The following BBS2 variants were observed in gnomAD, a reference collection of about 807,000 sequenced individuals.
The protein encoded by BBS2 is BBSome complex member BBS2.
BBS2 carries 62 observed loss-of-function variants against 83.0 expected under a neutral mutation model. The observed-to-expected ratio is 0.75, with a 90% confidence interval of 0.61 to 0.92. The LOEUF is 0.92. BBS2 is among the 40% of genes least tolerant of loss of function. The pLI is 0.00. For missense variants in BBS2, 784 were observed against 901.0 expected, an observed-to-expected ratio of 0.87 and a Z score of 1.66; for synonymous variants, 303 against 326.1, an observed-to-expected ratio of 0.93 and a Z score of 0.76.
intron 2 of BBS2, among the ~76,000 whole-genome samples, chr16:56,512,646 A>C (rs1201951870): frequency 1.3e-5 from 2 of 152,216 alleles, no homozygotes; most frequent in Non-Finnish European, 2.9e-5. Context: ...AACAACAGGA[A>C]AAGCTAATCT....
At chr16:56,480,376 A>AAAAAAAAAAAAC (rs1555519799), downstream of BBS2, among the ~76,000 whole-genome samples, 8 of 142,396 alleles carry the variant, frequency 5.6e-5, no homozygotes, top group African/African-American at 1.6e-4. Context: ...CAAAAAAAAA[A>AAAAAAAAAAAAC]ACAAAGCTTG....
At chr16:56,492,956 A>G (rs4784673) in intron 15 of BBS2, among the ~76,000 whole-genome samples, 103,613 of 151,322 alleles carry the variant, frequency 0.68, 37,270 homozygotes, top group African/African-American at 0.92. Context: ...ATCTACAGTA[A>G]AAAAAAAACA....
intron 16 of BBS2, among the ~76,000 whole-genome samples, 178 bp downstream of exon 16, chr16:56,485,412 G>T (rs978528041): frequency 6.6e-6 from 1 of 152,110 alleles, no homozygotes; most frequent in African/African-American, 2.4e-5. Context: ...GAAGTCCGGA[G>T]ACAAAAGCCA....
chr16:56,478,186 TCTCA>T (rs1963559727), intron 17 of BBS2: 1 of 151,836 alleles, frequency 6.6e-6, no homozygotes, highest in South Asian at 2.1e-4. Flanking sequence ...TGAGATGGAG[TCTCA>T]CTCTGTGGCC....
chr16:56,517,109 C>G (rs187325497), intron 1 of BBS2, among the ~76,000 whole-genome samples: 1 of 152,092 alleles, frequency 6.6e-6, no homozygotes, highest in Non-Finnish European at 1.5e-5. Flanking sequence ...GACCTCTGCC[C>G]GATCTCCCTG....
chr16:56,504,885 T>A (rs1964381218), intron 7 of BBS2, among the ~76,000 whole-genome samples: 1 of 152,178 alleles, frequency 6.6e-6, no homozygotes, highest in Non-Finnish European at 1.5e-5. Flanking sequence ...GTAGAGCTTG[T>A]GAGAGGTGAT....
At chr16:56,503,659 C>A (rs1964341672) in intron 7 of BBS2, among the ~76,000 whole-genome samples, 1 of 152,226 alleles carries the variant, frequency 6.6e-6, no homozygotes, top group African/African-American at 2.4e-5. Context: ...GTGGCTCACG[C>A]CTGTAATGCC....
chr16:56,488,413 G>A (rs1465491660), intron 15 of BBS2, among the ~76,000 whole-genome samples: 1 of 152,166 alleles, frequency 6.6e-6, no homozygotes, highest in Non-Finnish European at 1.5e-5. Context: ...CCCCTCTGTG[G>A]GTTTGATTAA....
intron 15 of BBS2, among the ~76,000 whole-genome samples, chr16:56,493,794 T>G (rs1196254693): frequency 6.6e-6 from 1 of 152,196 alleles, no homozygotes; most frequent in Non-Finnish European, 1.5e-5. Flanking sequence ...TGACGGAAAC[T>G]CCCTGCTGGG....
chr16:56,517,069 G>A (rs1964771005), intron 1 of BBS2, among the ~76,000 whole-genome samples: 1 of 151,762 alleles, frequency 6.6e-6, no homozygotes, highest in Non-Finnish European at 1.5e-5. Context: ...TTCCACTCCA[G>A]GTCACACTCT....
In BBS2 at chr16:56,485,614, T is replaced by C. The variant is rs1963754270; in HGVS notation, c.2035A>G (p.Ile679Val). ...LGNLKAVNQA[I>V]QRAGRLRVGK... ...CCCCGCAGACGACCTGCTCTTTGAATTGCTTGATTTACTGCTTTGAGGTTT... is the reference window on the plus strand; with the variant it reads ...CCCCGCAGACGACCTGCTCTTTGAACTGCTTGATTTACTGCTTTGAGGTTT... The change falls in exon 16 of 17, where the codon ATT becomes GTT. Residue 679 changes from isoleucine (I) to valine (V), a missense_variant. Physicochemically the swap from Ile to Val is conservative, Grantham distance 29. Transcript: ENST00000245157. 1.2e-6 allele frequency: 2 copies of C among 1,614,064 alleles called. No individual in the cohort carries two copies. Among genetic ancestry groups the C allele is most frequent in the Non-Finnish European group, 1.7e-6 (2 of 1,180,016 alleles).
At chr16:56,487,940 T>C (rs1458910298) in intron 15 of BBS2, among the ~76,000 whole-genome samples, 1 of 152,216 alleles carries the variant, frequency 6.6e-6, no homozygotes, top group Non-Finnish European at 1.5e-5. Flanking sequence ...GGGTAGTTAC[T>C]GTTTAACGGG....
downstream of BBS2, among the ~76,000 whole-genome samples, chr16:56,483,734 C>T (rs1469126564): frequency 6.7e-6 from 1 of 150,108 alleles, no homozygotes; most frequent in Non-Finnish European, 1.5e-5. Flanking sequence ...GAGTTTTGCT[C>T]TTGTCACCCA....
At chr16:56,478,657 A>G (rs1191340495) in intron 17 of BBS2, 1 of 152,248 alleles carries the variant, frequency 6.6e-6, no homozygotes, top group Non-Finnish European at 1.5e-5. Context: ...ATCCAAGGCC[A>G]ATTTTCCAAT....
Position 56,501,039 on chromosome 16 carries a change from T to G in BBS2, c.1226-14A>C. The G allele has an allele frequency of 6.2e-7, 1 of 1,613,344 alleles. No homozygotes were observed. Among genetic ancestry groups the G allele is most frequent in the Non-Finnish European group, 8.5e-7 (1 of 1,179,806 alleles). Reference sequence around the variant, plus strand: ...GGATGATGGTGTCTGCAGGGAAGAGTAAAAACAGTTTAAGAACAACTCCAA... The same window carrying G: ...GGATGATGGTGTCTGCAGGGAAGAGGAAAAACAGTTTAAGAACAACTCCAA... On this transcript the variant is annotated splice_polypyrimidine_tract_variant and intron_variant, in intron 10 of 16. Transcript: ENST00000245157.
chr16:56,472,891 G>A (rs1963263571), intron 17 of BBS2, among the ~76,000 whole-genome samples: 1 of 152,020 alleles, frequency 6.6e-6, no homozygotes. Context: ...CCTCACTTAG[G>A]AAACCTTCCA....
intron 15 of BBS2, among the ~76,000 whole-genome samples, chr16:56,487,215 A>G (rs1225750230): frequency 6.6e-6 from 1 of 152,184 alleles, no homozygotes; most frequent in Non-Finnish European, 1.5e-5. Flanking sequence ...ACAAATGTTG[A>G]CATTTTGCAA....
chr16:56,492,561 G>T (rs1251031933), intron 15 of BBS2, among the ~76,000 whole-genome samples: 2 of 152,202 alleles, frequency 1.3e-5, no homozygotes, highest in African/African-American at 4.8e-5. Context: ...CAGCTCTAAA[G>T]ATGTGCTGTA....
intron 17 of BBS2, chr16:56,477,812 A>G (rs1963546174): frequency 6.6e-6 from 1 of 152,160 alleles, no homozygotes; most frequent in Admixed American, 6.5e-5. Context: ...CTGGGCCTTT[A>G]AACTTCTTAA....
Sources: allele counts gnomAD v4.1 joint callset (sites outside exome capture counted in the v4.1 genomes callset), GRCh38; gene constraint gnomAD v4.1.1; transcripts MANE v1.5; gene names NCBI Gene and HGNC (gene_info 2026-07-23, HGNC 2026-07-21).